ZBED3: variants seen among roughly 807,000 people sequenced by gnomAD.
ZBED3 encodes zinc finger BED-type containing 3, also known as zinc finger BED domain-containing protein 3.
For missense variants in ZBED3, 388 were observed against 362.9 expected (o/e 1.07, Z -0.56); for synonymous variants, 175 against 180.0 (o/e 0.97, Z 0.22).
At position 77,085,006 on chromosome 5, in the gene ZBED3, G is replaced by C. The variant is rs1743209142; in HGVS notation, c.-153+2105C>G. 2.6e-5 allele frequency among the ~76,000 whole-genome samples: 4 copies of C among 152,358 alleles called. No homozygotes were observed. The South Asian group carries it at 8.3e-4, about 32-fold the overall frequency. ...TTTAGATATTTCAAGGAAGGAGAGA[G>C]AGTAGTGTTGCTGGTACCATGCCTC... On this transcript the variant is annotated intron_variant, in intron 1 of 2. Transcript: ENST00000255198.
rs1398625396 is a variant in ZBED3, at chr5:77,075,276, T to C, written c.*1898A>G. On this transcript the variant is annotated 3_prime_UTR_variant, in exon 3 of 3. Coordinates refer to ENST00000255198, the MANE Select transcript of ZBED3 (RefSeq NM_032367.4). ...CAGCTGGCCTGGATGCTTCAAAAAGTATCATGGGAAAATATGTTGGGGTTG... is the reference window on the plus strand; with the variant it reads ...CAGCTGGCCTGGATGCTTCAAAAAGCATCATGGGAAAATATGTTGGGGTTG... 1 of 152,172 alleles carries C rather than the reference T, an allele frequency of 6.6e-6. No individual in the cohort carries two copies. The highest frequency in any genetic ancestry group is 2.4e-5 in the African/African-American group (1 of 41,412). 9.4% of individuals were successfully genotyped at this position (152,172 alleles called of 1,614,324 possible).
rs541399198 is a variant in ZBED3, at chr5:77,076,073, GAAAAA to G, written c.*1096_*1100del. 1.2e-3 allele frequency: 159 copies of G among 136,906 alleles called. 6 individuals are homozygous for G. Among genetic ancestry groups the G allele is most frequent in the African/African-American group, 4.0e-3 (143 of 35,760 alleles). 8.5% of individuals were successfully genotyped at this position (136,906 alleles called of 1,614,324 possible). A position where few individuals can be genotyped will look rare whatever the true frequency, so the allele number is the denominator to read the frequency against. ...TATATATAATATATACACACATAAA[GAAAAA>G]AAGAAAAGAAAACTGACCCAGAGTG... On this transcript the variant is annotated 3_prime_UTR_variant, in exon 3 of 3. Transcript: ENST00000255198.
chr5:77,080,501 C>A, intron 1 of ZBED3: 1 of 518,492 alleles, frequency 1.9e-6, no homozygotes. Context: ...CTGGGCAGCC[C>A]TTCGATTTTG....
chr5:77,081,990 G>A (rs765124923), intron 1 of ZBED3, among the ~76,000 whole-genome samples: 24 of 152,130 alleles, frequency 1.6e-4, no homozygotes, highest in Non-Finnish European at 3.2e-4. Context: ...ATAGAGGCTG[G>A]GCTCGGTGGC....
intron 1 of ZBED3, chr5:77,080,316 A>G: frequency 2.5e-6 from 1 of 394,248 alleles, no homozygotes; most frequent in South Asian, 1.9e-5. Flanking sequence ...AGTGTCGCAC[A>G]GGTGAATGCC....
In ZBED3 at chr5:77,075,321, A is replaced by G. The variant is rs1742954068; in HGVS notation, c.*1853T>C. On this transcript the variant is annotated 3_prime_UTR_variant, in exon 3 of 3. Coordinates refer to ENST00000255198, the MANE Select transcript of ZBED3 (RefSeq NM_032367.4). ...GGGTTGTTGTAGACTGAAAGTGACT[A>G]GAGTTGAAACCAAAAGAATGTATGA... The G allele has an allele frequency of 1.3e-5, 2 of 152,236 alleles. No individual in the cohort carries two copies. Among genetic ancestry groups the G allele is most frequent in the African/African-American group, 2.4e-5 (1 of 41,464 alleles). 9.4% of individuals were successfully genotyped at this position (152,236 alleles called of 1,614,324 possible). A position where few individuals can be genotyped will look rare whatever the true frequency, so the allele number is the denominator to read the frequency against.
intron 1 of ZBED3, among the ~76,000 whole-genome samples, chr5:77,079,916 A>G (rs1295100727): frequency 6.6e-6 from 1 of 152,212 alleles, no homozygotes; most frequent in Non-Finnish European, 1.5e-5. Flanking sequence ...TTAATTATCT[A>G]ACTTTACCTA....
At chr5:77,086,511 G>T (rs1168008421) in intron 1 of ZBED3, among the ~76,000 whole-genome samples, 1 of 152,064 alleles carries the variant, frequency 6.6e-6, no homozygotes, top group Non-Finnish European at 1.5e-5. Flanking sequence ...CTAGTGGTAA[G>T]TATTTATTTT....
At position 77,075,979 on chromosome 5, in the gene ZBED3, A is replaced by T. The variant is rs1436249372; in HGVS notation, c.*1195T>A. 3 of 37,326 alleles carry T rather than the reference A, an allele frequency of 8.0e-5. No homozygotes were observed. The highest frequency in any genetic ancestry group is 3.7e-4 in the African/African-American group (3 of 8,084). The allele number at this position is 37,326 out of a possible 1,614,324, so 2.3% of individuals were successfully genotyped here. ...TATATATATATATGTATATGTATAT[A>T]TGTATATATATATGTATATATGTAT... On this transcript the variant is annotated 3_prime_UTR_variant, in exon 3 of 3. Transcript: ENST00000255198.
rs1263910731 is a variant in ZBED3, at chr5:77,075,967, G to GTATATGTATATATGTATATA, written c.*1187_*1206dup. On this transcript the variant is annotated 3_prime_UTR_variant, in exon 3 of 3. Transcript: ENST00000255198. ...TACATATATATATATATATATATAT[G>GTATATGTATATATGTATATA]TATATGTATATATGTATATATATAT... The GTATATGTATATATGTATATA allele has an allele frequency of 2.6e-4, 8 of 30,640 alleles. 1 individual carries two copies. The highest frequency in any genetic ancestry group is 1.5e-3 in the East Asian group (2 of 1,362). The allele number at this position is 30,640 out of a possible 1,614,324, so 1.9% of individuals were successfully genotyped here.
At position 77,077,418 on chromosome 5, in the gene ZBED3, T is replaced by G; in HGVS notation, c.461A>C (p.Glu154Ala). The G allele has an allele frequency of 8.1e-7, 1 of 1,232,668 alleles. No homozygotes were observed. The highest frequency in any genetic ancestry group is 2.8e-5 in the South Asian group (1 of 35,944). The allele number at this position is 1,232,668 out of a possible 1,614,324, so 76.4% of individuals were successfully genotyped here. The change falls in exon 3 of 3, where the codon GAG (glutamate) becomes GCG (alanine). Residue 154 changes from glutamate to alanine, a missense_variant. Transcript: ENST00000255198. ...SRRERELERRELAVEQGERAL... is the reference protein window; with the variant it reads ...SRRERELERRALAVEQGERAL... The stretch of plus-strand genomic sequence containing the variant: ...GCGCTCGCCCTGCTCCACGGCCAGC[T>G]CGCGCCGCTCCAGCTCCCGCTCCCG...
rs1743030495 is a variant in ZBED3, at chr5:77,077,282, C to G, written c.597G>C (p.Val199=). 1 of 1,396,564 alleles carries G rather than the reference C, an allele frequency of 7.2e-7. No individual in the cohort carries two copies. Among genetic ancestry groups the G allele is most frequent in the African/African-American group, 1.5e-5 (1 of 66,788 alleles). 86.5% of individuals were successfully genotyped at this position (1,396,564 alleles called of 1,614,324 possible). ...AGCCCAGGGCGCCCTCACGGCGGCT[C>G]ACATCCCGCAGCCGCGCCTGCAGCG... The part of the protein sequence containing the change: ...REALQARLRD[V]SRREGALGWA... Residue 199 remains valine (V), a synonymous_variant, in exon 3 of 3, where the codon GTG becomes GTC. Transcript: ENST00000255198.
Position 77,072,355 on chromosome 5 carries a change from AT to A in ZBED3, c.*4818del. 6.6e-6 allele frequency: 1 copy of A among 152,344 alleles called. No homozygotes were observed. Among genetic ancestry groups the A allele is most frequent in the East Asian group, 1.9e-4 (1 of 5,186 alleles). The allele number at this position is 152,344 out of a possible 1,614,324, so 9.4% of individuals were successfully genotyped here. A position where few individuals can be genotyped will look rare whatever the true frequency, so the allele number is the denominator to read the frequency against. ...TATAATCTCACCTTATTAACCAGAA[AT>A]GTTAATCTGGTTAATCATCTACCAT... On this transcript the variant is annotated 3_prime_UTR_variant, in exon 3 of 3. Transcript: ENST00000255198.
In ZBED3 at chr5:77,078,723, G is replaced by A. The variant is rs1398052480; in HGVS notation, c.-147C>T. The A allele has an allele frequency of 6.6e-6, 1 of 152,162 alleles. No individual in the cohort carries two copies. Among genetic ancestry groups the A allele is most frequent in the Non-Finnish European group, 1.5e-5 (1 of 68,054 alleles). The allele number at this position is 152,162 out of a possible 1,614,324, so 9.4% of individuals were successfully genotyped here. The stretch of plus-strand genomic sequence containing the variant: ...ATTCCTGAGTTCTGAAGAACCATCA[G>A]CAGTGCTAGGAGTAAATTCAGAGGA... On this transcript the variant is annotated 5_prime_UTR_variant, in exon 2 of 3. Coordinates refer to ENST00000255198, the MANE Select transcript of ZBED3 (RefSeq NM_032367.4).
chr5:77,072,544 A>G lies in ZBED3; in HGVS notation c.*4630T>C, dbSNP rs576632955. On this transcript the variant is annotated 3_prime_UTR_variant, in exon 3 of 3. Coordinates refer to ENST00000255198, the MANE Select transcript of ZBED3 (RefSeq NM_032367.4). ...GTTGAAGCATTTTGGGAATAACTGT[A>G]TAGTCTTCCAGGTCTTCTACTTTGA... 2.2e-4 allele frequency: 33 copies of G among 152,358 alleles called. No individual in the cohort carries two copies. The highest frequency in any genetic ancestry group is 7.5e-4 in the African/African-American group (31 of 41,584). The allele number at this position is 152,358 out of a possible 1,614,324, so 9.4% of individuals were successfully genotyped here.
Position 77,072,459 on chromosome 5 carries a change from G to A in ZBED3, c.*4715C>T. 1 of 152,150 alleles carries A rather than the reference G, an allele frequency of 6.6e-6. No homozygotes were observed. The highest frequency in any genetic ancestry group is 6.5e-5 in the Admixed American group (1 of 15,276). 9.4% of individuals were successfully genotyped at this position (152,150 alleles called of 1,614,324 possible). A position where few individuals can be genotyped will look rare whatever the true frequency, so the allele number is the denominator to read the frequency against. On this transcript the variant is annotated 3_prime_UTR_variant, in exon 3 of 3. Coordinates refer to ENST00000255198, the MANE Select transcript of ZBED3 (RefSeq NM_032367.4). ...GAAAGAGGAGTATTTGCCAACTCAA[G>A]GATGTTTTAAAGAATGTGCTAGGGA...
intron 1 of ZBED3, among the ~76,000 whole-genome samples, chr5:77,083,623 G>A (rs115000619): frequency 0.016 from 2,401 of 152,246 alleles, 59 homozygotes; most frequent in African/African-American, 0.054. Context: ...AGAAACTACC[G>A]ATATTTACTG....
chr5:77,076,053 AT>A lies in ZBED3; in HGVS notation c.*1120del, dbSNP rs1174406868. On this transcript the variant is annotated 3_prime_UTR_variant, in exon 3 of 3. Transcript: ENST00000255198. ...TATATGTATATATGTATATATATATATAATATATACACACATAAAGAAAAAA... is the reference window on the plus strand; with the variant it reads ...TATATGTATATATGTATATATATATAAATATATACACACATAAAGAAAAAA... 3.7e-5 allele frequency: 5 copies of A among 134,632 alleles called. No individual in the cohort carries two copies. The highest frequency in any genetic ancestry group is 1.4e-4 in the African/African-American group (5 of 36,052). The allele number at this position is 134,632 out of a possible 1,614,324, so 8.3% of individuals were successfully genotyped here.
intron 1 of ZBED3, among the ~76,000 whole-genome samples, chr5:77,080,002 T>C (rs1037297917): frequency 6.6e-6 from 1 of 152,202 alleles, no homozygotes; most frequent in South Asian, 2.1e-4. Flanking sequence ...CCTGAGGTCC[T>C]TTTTTATTAC....
Sources: gnomAD v4.1 joint callset for allele counts (sites outside exome capture counted in the v4.1 genomes callset) on GRCh38, gnomAD v4.1.1 for gene constraint, MANE v1.5 for transcripts, NCBI Gene and HGNC (gene_info 2026-07-23, HGNC 2026-07-21) for gene names.